Variants in NDUFAF2 observed in about 807,000 individuals in gnomAD.
NDUFAF2 encodes NADH dehydrogenase [ubiquinone] 1 alpha subcomplex assembly factor 2.
Under a neutral mutation model 22.8 loss-of-function variants are expected in NDUFAF2, and 13 were observed. That is an observed-to-expected ratio of 0.57 (90% CI 0.37 to 0.91). NDUFAF2 has a LOEUF of 0.91. NDUFAF2 is among the 40% of genes least tolerant of loss of function. NDUFAF2 has a pLI of 0.01. For missense variants in NDUFAF2, 162 were observed against 195.2 expected (o/e 0.83, Z 1.01); for synonymous variants, 53 against 64.2 (o/e 0.83, Z 0.84).
At chr5:61,010,094 G>T (rs1751425106) in intron 1 of NDUFAF2, among the ~76,000 whole-genome samples, 1 of 151,866 alleles carries the variant, frequency 6.6e-6, no homozygotes, top group South Asian at 2.1e-4. Flanking sequence ...CCTCTACCCT[G>T]GTCTAGTCAT....
At chr5:61,035,698 T>G (rs1407777090) in intron 1 of NDUFAF2, among the ~76,000 whole-genome samples, 1 of 151,978 alleles carries the variant, frequency 6.6e-6, no homozygotes, top group African/African-American at 2.4e-5. Flanking sequence ...ATCACTTCAT[T>G]TTATAATTAT....
chr5:61,118,724 T>C (rs1752942590), intron 3 of NDUFAF2, among the ~76,000 whole-genome samples: 1 of 152,204 alleles, frequency 6.6e-6, no homozygotes, highest in South Asian at 2.1e-4. Context: ...ATGTGCAAGA[T>C]GGTGCATAGT....
intron 3 of NDUFAF2, among the ~76,000 whole-genome samples, chr5:61,130,917 A>G (rs370435384): frequency 4.9e-4 from 75 of 152,268 alleles, no homozygotes; most frequent in African/African-American, 1.8e-3. Flanking sequence ...AACAGGTTCA[A>G]CCTTCTTTAG....
chr5:61,087,247 G>A (rs1292293513), intron 2 of NDUFAF2, among the ~76,000 whole-genome samples: 3 of 152,144 alleles, frequency 2.0e-5, no homozygotes, highest in Admixed American at 2.0e-4. Flanking sequence ...TACAAGCCAT[G>A]AGAAGAAGCC....
chr5:60,967,556 G>C (rs1176593293), intron 1 of NDUFAF2, among the ~76,000 whole-genome samples: 1 of 151,628 alleles, frequency 6.6e-6, no homozygotes, highest in East Asian at 1.9e-4. Context: ...TCATGAAAGA[G>C]TGTTGAATTT....
At chr5:61,025,634 A>G (rs1470697602) in intron 1 of NDUFAF2, among the ~76,000 whole-genome samples, 1 of 151,876 alleles carries the variant, frequency 6.6e-6, no homozygotes. Context: ...CTATGTTTTA[A>G]TATTTTTACT....
At chr5:60,986,796 G>T (rs1315840125) in intron 1 of NDUFAF2, among the ~76,000 whole-genome samples, 1 of 151,996 alleles carries the variant, frequency 6.6e-6, no homozygotes, top group East Asian at 1.9e-4. Context: ...GCCAGGCGTG[G>T]TGGCGGGTGC....
intron 1 of NDUFAF2, among the ~76,000 whole-genome samples, chr5:61,052,625 A>T (rs79424700): frequency 0.014 from 2,194 of 152,190 alleles, 66 homozygotes; most frequent in African/African-American, 0.05. Flanking sequence ...GTTATTTTCT[A>T]TTATCCTTAA....
At chr5:60,997,153 T>A (rs1384619762) in intron 1 of NDUFAF2, among the ~76,000 whole-genome samples, 1 of 152,186 alleles carries the variant, frequency 6.6e-6, no homozygotes, top group Non-Finnish European at 1.5e-5. Context: ...AACAGATGGT[T>A]TTTATAATAG....
At chr5:60,950,677 TGTG>T (rs1750533168) in intron 1 of NDUFAF2, among the ~76,000 whole-genome samples, 1 of 151,046 alleles carries the variant, frequency 6.6e-6, no homozygotes, top group Non-Finnish European at 1.5e-5. Flanking sequence ...GGAATGATCA[TGTG>T]GTGAATTTAT....
intron 1 of NDUFAF2, among the ~76,000 whole-genome samples, chr5:61,066,004 A>G (rs1752222980): frequency 6.6e-6 from 1 of 152,102 alleles, no homozygotes; most frequent in Admixed American, 6.6e-5. Flanking sequence ...CAGTAAAGTT[A>G]CAGGATACAA....
chr5:61,076,351 G>A (rs1278224854), intron 2 of NDUFAF2, among the ~76,000 whole-genome samples: 2 of 152,330 alleles, frequency 1.3e-5, no homozygotes, highest in East Asian at 3.9e-4. Context: ...TGGGATTACA[G>A]GCGTGAGCCA....
At chr5:61,152,163 T>G (rs1243093569) in intron 3 of NDUFAF2, among the ~76,000 whole-genome samples, 1 of 152,122 alleles carries the variant, frequency 6.6e-6, no homozygotes, top group Admixed American at 6.5e-5. Flanking sequence ...TGCCAAACCC[T>G]GATTCCATTC....
chr5:60,989,223 A>T (rs1468030598), intron 1 of NDUFAF2, among the ~76,000 whole-genome samples: 9 of 151,956 alleles, frequency 5.9e-5, no homozygotes, highest in Admixed American at 1.3e-4. Context: ...ATCTTATATT[A>T]GTCAGAATGG....
chr5:61,030,336 T>A (rs1266264853), intron 1 of NDUFAF2, among the ~76,000 whole-genome samples: 2 of 152,100 alleles, frequency 1.3e-5, no homozygotes, highest in African/African-American at 2.4e-5. Flanking sequence ...CCTTATCAGC[T>A]CTTTAAACTA....
intron 1 of NDUFAF2, among the ~76,000 whole-genome samples, chr5:60,970,280 T>C (rs1750810273): frequency 6.6e-6 from 1 of 152,206 alleles, no homozygotes; most frequent in South Asian, 2.1e-4. Context: ...GGTATTTTGA[T>C]AGGGATTGCA....
intron 1 of NDUFAF2, among the ~76,000 whole-genome samples, chr5:61,032,430 G>A (rs866782128): frequency 7.2e-5 from 11 of 152,246 alleles, no homozygotes; most frequent in Admixed American, 2.6e-4. Context: ...TCCAGTTTCA[G>A]TTTTCTGCAT....
chr5:60,982,381 C>T (rs58495922), intron 1 of NDUFAF2, among the ~76,000 whole-genome samples: 9,690 of 151,908 alleles, frequency 0.064, 1,019 homozygotes, highest in African/African-American at 0.22. Context: ...GGGAAACTCC[C>T]GTTTTTATTT....
chr5:61,012,763 A>G (rs1751457903), intron 1 of NDUFAF2, among the ~76,000 whole-genome samples: 2 of 152,100 alleles, frequency 1.3e-5, no homozygotes, highest in Non-Finnish European at 2.9e-5. Context: ...TAGAATTTTT[A>G]GCTTTTTCTA....
Sources: gnomAD v4.1 joint callset for allele counts (sites outside exome capture counted in the v4.1 genomes callset) on GRCh38, gnomAD v4.1.1 for gene constraint, MANE v1.5 for transcripts, NCBI Gene and HGNC (gene_info 2026-07-23, HGNC 2026-07-21) for gene names.